Variants in WWOX observed in about 807,000 individuals in gnomAD.
The protein encoded by WWOX is WW domain containing oxidoreductase.
In WWOX, 69 loss-of-function variants were observed where a neutral mutation model predicts 46.2. The observed-to-expected ratio is 1.49, with a 90% CI of 1.23 to 1.82. The LOEUF is 1.82. Among genes scored for constraint, WWOX ranks in the 40% most tolerant of loss-of-function variants. The probability of loss-of-function intolerance (pLI) is 0.00; values close to 1 mark genes in which losing one functional copy is unlikely to be tolerated. For synonymous variants in WWOX, 359 were observed against 202.6 expected (o/e 1.77, Z -6.56); for missense variants, 919 against 542.6 (o/e 1.69, Z -6.89).
intron 8 of WWOX, among the ~76,000 whole-genome samples, chr16:78,802,173 G>A (rs1219574799): frequency 2.7e-5 from 4 of 150,618 alleles, no homozygotes; most frequent in Non-Finnish European, 4.4e-5. Flanking sequence ...CACAAAGAGC[G>A]AAGTTTGTTT....
intron 8 of WWOX, among the ~76,000 whole-genome samples, chr16:78,741,579 G>T (rs1435620024): frequency 6.6e-6 from 1 of 151,450 alleles, no homozygotes; most frequent in East Asian, 2.0e-4. Context: ...ATCTGGCTGG[G>T]CACAGTGGCT....
chr16:78,384,964 T>C (rs892654279), intron 5 of WWOX, among the ~76,000 whole-genome samples: 3 of 152,060 alleles, frequency 2.0e-5, no homozygotes, highest in African/African-American at 7.3e-5. Context: ...TGAAACCCCG[T>C]CTGTACTGAA....
intron 4 of WWOX, among the ~76,000 whole-genome samples, chr16:78,135,287 T>C (rs1349835910): frequency 6.6e-6 from 1 of 152,202 alleles, no homozygotes; most frequent in African/African-American, 2.4e-5. Context: ...AGCTTGACAC[T>C]AGAGCTCTAC....
chr16:78,881,119 G>C (rs1476567575), intron 8 of WWOX, among the ~76,000 whole-genome samples: 1 of 151,180 alleles, frequency 6.6e-6, no homozygotes, highest in Non-Finnish European at 1.5e-5. Flanking sequence ...AGCCTCCCAA[G>C]GGAGCTGGGA....
intron 8 of WWOX, among the ~76,000 whole-genome samples, chr16:78,631,698 C>T (rs1292218953): frequency 6.6e-6 from 1 of 151,990 alleles, no homozygotes; most frequent in Non-Finnish European, 1.5e-5. Context: ...CCGTGCCTGG[C>T]TATTTTTTGT....
intron 8 of WWOX, among the ~76,000 whole-genome samples, chr16:78,652,154 G>C (rs547248286): frequency 6.6e-6 from 1 of 152,230 alleles, no homozygotes; most frequent in African/African-American, 2.4e-5. Flanking sequence ...GCTCACACCT[G>C]TAATCCCAGC....
rs142072660 is a variant in WWOX at position 79,005,672 on chromosome 16, C to CTT, written c.1057-205935_1057-205934dup. ...GTCTCTCTATGTCTTCAATGTTCTT[C>CTT]TTATAAGGACACCAGTCCTTGGATT... On this transcript the variant is annotated intron_variant, in intron 8 of 8. Transcript: ENST00000566780. Among the ~76,000 whole-genome samples the CTT allele has an allele frequency of 7.6e-3, 1,150 of 152,270 alleles. 14 individuals carry two copies. The highest frequency in any genetic ancestry group is 0.026 in the African/African-American group (1,088 of 41,546).
At chr16:78,967,279 C>T (rs2046379175) in intron 8 of WWOX, among the ~76,000 whole-genome samples, 1 of 139,298 alleles carries the variant, frequency 7.2e-6, no homozygotes, top group African/African-American at 2.6e-5. Flanking sequence ...CTCCTGCCTG[C>T]CGAGGCCTTT....
intron 8 of WWOX, among the ~76,000 whole-genome samples, chr16:79,015,505 C>A (rs899507395): frequency 3.3e-5 from 5 of 152,130 alleles, no homozygotes; most frequent in African/African-American, 1.2e-4. Context: ...GTCTTTATTT[C>A]TTTTCCTTCC....
intron 8 of WWOX, among the ~76,000 whole-genome samples, chr16:78,867,549 G>T (rs1474311131): frequency 2.0e-5 from 3 of 148,920 alleles, no homozygotes; most frequent in Non-Finnish European, 3.0e-5. Flanking sequence ...GTGTGTTTTT[G>T]TTTTTTTTTA....
chr16:78,472,536 C>A (rs1043279653), intron 8 of WWOX, among the ~76,000 whole-genome samples: 6 of 152,076 alleles, frequency 3.9e-5, no homozygotes, highest in African/African-American at 1.4e-4. Context: ...GAGCCGGGCA[C>A]AGTGGCTCAC....
At chr16:79,100,472 C>T (rs1025173289) in intron 8 of WWOX, among the ~76,000 whole-genome samples, 10 of 152,220 alleles carry the variant, frequency 6.6e-5, no homozygotes, top group Admixed American at 5.2e-4. Context: ...GGGCCCAAAT[C>T]TTACAGGCTT....
At chr16:78,207,459 T>A (rs12447896) in intron 5 of WWOX, among the ~76,000 whole-genome samples, 139,086 of 151,632 alleles carry the variant, frequency 0.92, 64,007 homozygotes, top group African/African-American at 0.98. Context: ...GGCTTGTCTT[T>A]TTACATCTTT....
At chr16:78,655,181 C>G (rs990207489) in intron 8 of WWOX, among the ~76,000 whole-genome samples, 2 of 152,094 alleles carry the variant, frequency 1.3e-5, no homozygotes, top group South Asian at 2.1e-4. Context: ...AGGCTGCAGT[C>G]TGAGAGTGAA....
intron 8 of WWOX, among the ~76,000 whole-genome samples, chr16:78,746,679 G>A (rs1169638521): frequency 1.3e-5 from 2 of 151,664 alleles, no homozygotes; most frequent in East Asian, 3.9e-4. Flanking sequence ...TTGTACTCCT[G>A]CATTTTTCCC....
At chr16:78,464,578 A>G (rs777172509) in intron 8 of WWOX, among the ~76,000 whole-genome samples, 7 of 152,162 alleles carry the variant, frequency 4.6e-5, no homozygotes, top group Non-Finnish European at 1.0e-4. Flanking sequence ...CTAAAGGGTA[A>G]AGGTGCAGGT....
In WWOX at chr16:78,129,785, T is replaced by C. The variant is rs369090715; in HGVS notation, c.409+14631T>C. Among the ~76,000 whole-genome samples, 3 of 152,234 alleles carry C rather than the reference T, an allele frequency of 2.0e-5. No individual in the cohort carries two copies. In the East Asian group the frequency reaches 5.8e-4, roughly 29 times the overall value. On this transcript the variant is annotated intron_variant, in intron 4 of 8. Transcript: ENST00000566780. ...ACTTAAATGTAGATTTATGACAGTT[T>C]TGAAAAATCAGAATGAGTATTGTAG...
intron 8 of WWOX, among the ~76,000 whole-genome samples, chr16:78,968,706 C>T (rs1204202537): frequency 6.6e-6 from 1 of 151,750 alleles, no homozygotes; most frequent in African/African-American, 2.4e-5. Context: ...TCTTCTTCCT[C>T]TTCTTCTTCT....
At chr16:78,906,081 G>T (rs1003388008) in intron 8 of WWOX, among the ~76,000 whole-genome samples, 1 of 152,200 alleles carries the variant, frequency 6.6e-6, no homozygotes, top group African/African-American at 2.4e-5. Context: ...TTGTCTTCTT[G>T]GTTAGGGACC....
Sources: allele counts gnomAD v4.1 joint callset (sites outside exome capture counted in the v4.1 genomes callset), GRCh38; gene constraint gnomAD v4.1.1; transcripts MANE v1.5; gene names NCBI Gene and HGNC (gene_info 2026-07-23, HGNC 2026-07-21).